DNAH12: variants seen among roughly 807,000 people sequenced by gnomAD.
DNAH12 encodes the protein axonemal beta dynein heavy chain 12.
In DNAH12, 285 loss-of-function variants were observed where a neutral mutation model predicts 371.5. The ratio of observed to expected loss-of-function variants is 0.77; its 90% confidence interval spans 0.70 to 0.85. DNAH12 has a LOEUF of 0.85. Ranked by LOEUF, DNAH12 falls within the 40% of genes least tolerant of loss-of-function variation. DNAH12 has a pLI of 0.00. For missense variants in DNAH12, 3,611 were observed against 3,689.4 expected (o/e 0.98, Z 0.55); for synonymous variants, 1,200 against 1,213.0 (o/e 0.99, Z 0.22).
At chr3:57,385,612 T>C (rs2063485072) in intron 47 of DNAH12, among the ~76,000 whole-genome samples, 183 bp from the exon 48 acceptor site, 1 of 152,230 alleles carries the variant, frequency 6.6e-6, no homozygotes, top group Admixed American at 6.5e-5. Flanking sequence ...CCAAGCACGG[T>C]GGCTCACATC....
chr3:57,384,285 G>A (rs1024759862), intron 49 of DNAH12, among the ~76,000 whole-genome samples: 30 of 152,092 alleles, frequency 2.0e-4, no homozygotes, highest in African/African-American at 7.2e-4. Flanking sequence ...GCCTCTTGGA[G>A]TCTATTCGTC....
At chr3:57,345,955 T>A (rs1204559909) in intron 60 of DNAH12, among the ~76,000 whole-genome samples, 1 of 152,162 alleles carries the variant, frequency 6.6e-6, no homozygotes, top group African/African-American at 2.4e-5. Context: ...ATTTATTTTT[T>A]AAAAATCTGT....
At chr3:57,472,253 A>C (rs529203389) in intron 14 of DNAH12, among the ~76,000 whole-genome samples, 2 of 152,174 alleles carry the variant, frequency 1.3e-5, no homozygotes, top group Admixed American at 1.3e-4. Context: ...GATTTTTATG[A>C]GAGTTAAATA....
intron 62 of DNAH12, among the ~76,000 whole-genome samples, chr3:57,323,942 G>C (rs2061870647): frequency 6.6e-6 from 1 of 152,132 alleles, no homozygotes; most frequent in South Asian, 2.1e-4. Flanking sequence ...TCTCTGTTTG[G>C]TATTAGAACC....
At chr3:57,306,665 T>G (rs2061478437) in intron 69 of DNAH12, among the ~76,000 whole-genome samples, 1 of 152,074 alleles carries the variant, frequency 6.6e-6, no homozygotes, top group South Asian at 2.1e-4. Flanking sequence ...CCCCGCATAA[T>G]GCCAATATCC....
chr3:57,460,494 C>A (rs2066024891), intron 19 of DNAH12, among the ~76,000 whole-genome samples: 1 of 152,124 alleles, frequency 6.6e-6, no homozygotes, highest in Admixed American at 6.6e-5. Context: ...GAGATTGTCT[C>A]ATATCTTCGA....
In DNAH12 at chr3:57,406,700, T is replaced by C. The variant is rs564164455; in HGVS notation, c.6277-748A>G. 1.2e-4 allele frequency among the ~76,000 whole-genome samples: 19 copies of C among 152,304 alleles called. No individual in the cohort carries two copies. In the South Asian group the frequency reaches 3.9e-3, roughly 32 times the overall value. On this transcript the variant is annotated intron_variant, in intron 40 of 73. Coordinates refer to ENST00000495027, the MANE Select transcript of DNAH12 (RefSeq NM_001366028.2). The stretch of plus-strand genomic sequence containing the variant: ...TAATTTTCTTGTTACTACAATCAAC[T>C]TCAAAATAAATCAATTTGTTCTCTC...
intron 39 of DNAH12, among the ~76,000 whole-genome samples, chr3:57,408,918 A>T (rs1299636002): frequency 6.6e-6 from 1 of 152,126 alleles, no homozygotes; most frequent in East Asian, 1.9e-4. Flanking sequence ...ACCTAGGACA[A>T]TTCTGGCTTG....
intron 44 of DNAH12, among the ~76,000 whole-genome samples, chr3:57,393,798 A>T (rs2153348152): frequency 6.6e-6 from 1 of 152,070 alleles, no homozygotes; most frequent in East Asian, 1.9e-4. Context: ...TTAAAACTTT[A>T]AAAAAATTTA....
At chr3:57,517,715 ACTAT>A (rs1289204515) in intron 4 of DNAH12, among the ~76,000 whole-genome samples, 1 of 152,190 alleles carries the variant, frequency 6.6e-6, no homozygotes, top group Non-Finnish European at 1.5e-5. Context: ...TTAGCAAAAC[ACTAT>A]CTAAGTCAAG....
At chr3:57,361,863 A>T (rs1336333085) in intron 58 of DNAH12, among the ~76,000 whole-genome samples, 3 of 151,996 alleles carry the variant, frequency 2.0e-5, no homozygotes, top group Non-Finnish European at 4.4e-5. Flanking sequence ...ATACCTTTCC[A>T]ATATTTTTTT....
At chr3:57,304,926 T>C (rs1354241231) in intron 69 of DNAH12, among the ~76,000 whole-genome samples, 1 of 152,070 alleles carries the variant, frequency 6.6e-6, no homozygotes, top group African/African-American at 2.4e-5. Context: ...TCCTTCACCA[T>C]GGGCAGCCTT....
chr3:57,458,808 C>T (rs931995004), intron 20 of DNAH12, among the ~76,000 whole-genome samples: 1 of 152,150 alleles, frequency 6.6e-6, no homozygotes, highest in African/African-American at 2.4e-5. Flanking sequence ...AATTGAGTAG[C>T]TGCAAGAAAG....
At chr3:57,480,434 T>C (rs9681280) in intron 13 of DNAH12, among the ~76,000 whole-genome samples, 100,702 of 150,878 alleles carry the variant, frequency 0.67, 33,821 homozygotes, top group South Asian at 0.75. Context: ...AATTAATAGC[T>C]TACCAACCAA....
chr3:57,520,450 A>ATTAT (rs2068379375), intron 4 of DNAH12, among the ~76,000 whole-genome samples: 1 of 141,826 alleles, frequency 7.1e-6, no homozygotes, highest in Non-Finnish European at 1.5e-5. Flanking sequence ...TATTATTATT[A>ATTAT]TTTTTTTTTT....
At chr3:57,324,101 G>A (rs2061875673) in intron 62 of DNAH12, among the ~76,000 whole-genome samples, 1 of 152,142 alleles carries the variant, frequency 6.6e-6, no homozygotes, top group Non-Finnish European at 1.5e-5. Context: ...TTTCAACATA[G>A]CGTTCACAAG....
intron 11 of DNAH12, among the ~76,000 whole-genome samples, chr3:57,493,351 C>A (rs2067196768): frequency 6.6e-6 from 1 of 151,968 alleles, no homozygotes; most frequent in Non-Finnish European, 1.5e-5. Flanking sequence ...ATTTATATTG[C>A]ATTAGGTATT....
chr3:57,479,701 C>G (rs190549192), intron 13 of DNAH12, among the ~76,000 whole-genome samples: 2 of 152,108 alleles, frequency 1.3e-5, no homozygotes, highest in Non-Finnish European at 2.9e-5. Flanking sequence ...TGTAAAAGAA[C>G]AGAAATTATA....
intron 32 of DNAH12, among the ~76,000 whole-genome samples, chr3:57,431,794 A>C (rs188348031): frequency 2.0e-5 from 3 of 152,248 alleles, no homozygotes; most frequent in African/African-American, 7.2e-5. Context: ...AAGTGCTTCT[A>C]TGTTTTCCTA....
Sources: allele counts gnomAD v4.1 joint callset (sites outside exome capture counted in the v4.1 genomes callset), GRCh38; gene constraint gnomAD v4.1.1; transcripts MANE v1.5; gene names NCBI Gene and HGNC (gene_info 2026-07-23, HGNC 2026-07-21).